HSD17B12: variants seen among roughly 807,000 people sequenced by gnomAD.
HSD17B12 encodes the protein hydroxysteroid 17-beta dehydrogenase 12.
A neutral mutation model predicts 39.3 loss-of-function variants in HSD17B12; 32 were observed. That is an observed-to-expected ratio of 0.81 (90% CI 0.61 to 1.09). The LOEUF (loss-of-function observed/expected upper bound fraction) is 1.09. Among genes scored for constraint, HSD17B12 ranks in the 50% least tolerant of loss-of-function variants. HSD17B12 has a pLI of 0.00. For synonymous variants in HSD17B12, 150 were observed against 146.7 expected (o/e 1.02, Z -0.16); for missense variants, 342 against 382.9 (o/e 0.89, Z 0.89).
chr11:43,580,786 G>A, the HSD17B12 span, among the ~76,000 whole-genome samples: 1 of 151,988 alleles, frequency 6.6e-6, no homozygotes, highest in East Asian at 1.9e-4. Context: ...ATTAGAAATG[G>A]AAATATTTTT....
the HSD17B12 span, among the ~76,000 whole-genome samples, chr11:43,654,473 G>A: frequency 6.6e-6 from 1 of 152,112 alleles, no homozygotes; most frequent in African/African-American, 2.4e-5. Context: ...CCTTGCCCAT[G>A]CCTATGTCCT....
At chr11:43,713,279 TC>T (rs1421459202) in intron 1 of HSD17B12, among the ~76,000 whole-genome samples, 1 of 83,458 alleles carries the variant, frequency 1.2e-5, no homozygotes, top group African/African-American at 4.8e-5. Flanking sequence ...TCCCTCCCCC[TC>T]CCCCCACCCT....
rs1258469132 is a variant in HSD17B12, at chr11:43,856,599, T to G, written c.*1351T>G. ...GGTTGTCATTTAAGTTGAATAAATA[T>G]ATAGCTTTATGAAAAACACATTGTT... On this transcript the variant is annotated 3_prime_UTR_variant, in exon 11 of 11. Transcript: ENST00000278353. The G allele has an allele frequency of 2.0e-5, 3 of 152,248 alleles. No homozygotes were observed. Among genetic ancestry groups the G allele is most frequent in the Non-Finnish European group, 4.4e-5 (3 of 68,052 alleles). The allele number at this position is 152,248 out of a possible 1,614,324, so 9.4% of individuals were successfully genotyped here.
the HSD17B12 span, among the ~76,000 whole-genome samples, chr11:43,625,362 A>C: frequency 6.6e-6 from 1 of 151,566 alleles, no homozygotes; most frequent in South Asian, 2.1e-4. Context: ...TGCTAAACTA[A>C]TAATATTGTA....
chr11:43,707,794 A>C (rs1950029266), intron 1 of HSD17B12, among the ~76,000 whole-genome samples: 1 of 152,180 alleles, frequency 6.6e-6, no homozygotes, highest in Non-Finnish European at 1.5e-5. Context: ...ACTTTACAAA[A>C]ATTAAAGTGG....
At chr11:43,621,710 C>CAAAACA in the HSD17B12 span, among the ~76,000 whole-genome samples, 2 of 152,012 alleles carry the variant, frequency 1.3e-5, no homozygotes, top group Admixed American at 6.6e-5. Flanking sequence ...GACCCTGTCT[C>CAAAACA]AAAACAAAAA....
chr11:43,798,381 T>A lies in HSD17B12; in HGVS notation c.345T>A (p.Tyr115Ter), dbSNP rs1046917429. 1 of 1,612,706 alleles carries A rather than the reference T, an allele frequency of 6.2e-7. No homozygotes were observed. The highest frequency in any genetic ancestry group is 1.7e-5 in the Admixed American group (1 of 59,944). Residue 115 changes from tyrosine to a stop codon, truncating the protein, a stop_gained, in exon 4 of 11, where the codon TAT becomes TAA. Transcript: ENST00000278353. LOFTEE classifies it high-confidence loss of function. ...TTGACTTTGCATCAGAAGATATTTA[T>A]GATAAAATTAAAACAGGCTTGGCTG... is the stretch of plus-strand genomic sequence containing the variant. Reference protein sequence around the residue: ...IAVDFASEDIYDKIKTGLAGL... With the variant: ...IAVDFASEDI
intron 3 of HSD17B12, among the ~76,000 whole-genome samples, chr11:43,762,840 A>G (rs1316592617): frequency 1.3e-5 from 2 of 152,232 alleles, no homozygotes; most frequent in African/African-American, 4.8e-5. Context: ...GCATAGAATC[A>G]TGAATATGTT....
chr11:43,688,311 C>A (rs758872860), intron 1 of HSD17B12, among the ~76,000 whole-genome samples: 9 of 152,118 alleles, frequency 5.9e-5, no homozygotes, highest in Non-Finnish European at 1.3e-4. Flanking sequence ...CTCTCAGAGA[C>A]CATTTCTGTC....
intron 1 of HSD17B12, among the ~76,000 whole-genome samples, chr11:43,730,976 A>G (rs887593432): frequency 6.6e-6 from 1 of 152,060 alleles, no homozygotes; most frequent in African/African-American, 2.4e-5. Flanking sequence ...GAATTTGCCC[A>G]CTTCTTATAT....
intron 1 of HSD17B12, among the ~76,000 whole-genome samples, chr11:43,717,095 A>T (rs1950130826): frequency 1.3e-5 from 2 of 152,212 alleles, no homozygotes; most frequent in Admixed American, 1.3e-4. Context: ...TCAAGGAGAA[A>T]GTTAAGACTA....
chr11:43,645,019 C>G, the HSD17B12 span: 1 of 152,192 alleles, frequency 6.6e-6, no homozygotes, highest in Non-Finnish European at 1.5e-5. Context: ...CCCAGGCTTC[C>G]CTGGTGCTGT....
chr11:43,657,014 C>T, the HSD17B12 span, among the ~76,000 whole-genome samples: 1 of 152,076 alleles, frequency 6.6e-6, no homozygotes, highest in Admixed American at 6.6e-5. Context: ...TAAAGTCTCC[C>T]ATTATTATTG....
the HSD17B12 span, among the ~76,000 whole-genome samples, chr11:43,602,727 T>G: frequency 1.3e-5 from 2 of 152,126 alleles, no homozygotes; most frequent in African/African-American, 4.8e-5. Flanking sequence ...CTATTTGAAT[T>G]AATGTATGTA....
At chr11:43,619,187 TATATATATATGATATATATATATATAAA>T in the HSD17B12 span, among the ~76,000 whole-genome samples, 1 of 72,946 alleles carries the variant, frequency 1.4e-5, no homozygotes, top group Non-Finnish European at 3.0e-5. Flanking sequence ...ATATAAAATA[TATATATATATGATATATATATATATAAA>T]ATATATATAT....
At chr11:43,690,404 A>ATATATTTTTTTTTTTT (rs1554959942) in intron 1 of HSD17B12, among the ~76,000 whole-genome samples, 3 of 24,958 alleles carry the variant, frequency 1.2e-4, no homozygotes, top group Non-Finnish European at 2.1e-4. Context: ...ATATATATAT[A>ATATATTTTTTTTTTTT]TTTTTTTTTT....
intron 2 of HSD17B12, among the ~76,000 whole-genome samples, chr11:43,753,616 G>A (rs1950484939): frequency 6.8e-6 from 1 of 146,422 alleles, no homozygotes; most frequent in Non-Finnish European, 1.5e-5. Context: ...ATTTTACTAT[G>A]TTGCCCAGGA....
In HSD17B12 at chr11:43,739,668, AC is replaced by A. The variant is rs563372262; in HGVS notation, c.161-11242del. 1.2e-4 allele frequency among the ~76,000 whole-genome samples: 18 copies of A among 145,988 alleles called. No individual in the cohort carries two copies. In the East Asian group the frequency reaches 3.7e-3, roughly 30 times the overall value. ...GGCCTAATCACCTCTTAATGTCTCC[AC>A]TTCTTACTACTGTCACATTGGCCAT... On this transcript the variant is annotated intron_variant, in intron 1 of 10. Coordinates refer to ENST00000278353, the MANE Select transcript of HSD17B12 (RefSeq NM_016142.3).
At chr11:43,751,368 G>A (rs1021717522) in intron 2 of HSD17B12, among the ~76,000 whole-genome samples, 1 of 152,174 alleles carries the variant, frequency 6.6e-6, no homozygotes, top group African/African-American at 2.4e-5. Flanking sequence ...GTGATTAACA[G>A]AAAGGTATTG....
Sources: gnomAD v4.1 joint callset for allele counts (sites outside exome capture counted in the v4.1 genomes callset) on GRCh38, gnomAD v4.1.1 for gene constraint, MANE v1.5 for transcripts, NCBI Gene and HGNC (gene_info 2026-07-23, HGNC 2026-07-21) for gene names.